PTGER3: variants seen among roughly 807,000 people sequenced by gnomAD.
The protein encoded by PTGER3 is prostaglandin E receptor 3.
A neutral mutation model predicts 34.7 loss-of-function variants in PTGER3; 22 were observed. The ratio of observed to expected loss-of-function variants is 0.63; its 90% confidence interval spans 0.45 to 0.91. The LOEUF is 0.91. Ranked by LOEUF, PTGER3 falls within the 40% of genes least tolerant of loss-of-function variation. The pLI is 0.00. For missense variants in PTGER3, 468 were observed against 519.4 expected (o/e 0.90, Z 0.96); for synonymous variants, 241 against 230.1 (o/e 1.05, Z -0.43).
intron 4 of PTGER3, chr1:70,886,358 C>A: frequency 2.3e-6 from 1 of 442,506 alleles, no homozygotes; most frequent in South Asian, 1.6e-5. Flanking sequence ...GTTGTTTAAG[C>A]CACCTAGTCT....
At chr1:70,855,424 T>C (rs138467170) in intron 4 of PTGER3, among the ~76,000 whole-genome samples, 1 of 152,298 alleles carries the variant, frequency 6.6e-6, no homozygotes, top group African/African-American at 2.4e-5. Flanking sequence ...GTTAACACTA[T>C]TGAACTATAC....
At chr1:70,969,918 T>C (rs755547370), downstream of PTGER3, among the ~76,000 whole-genome samples, 35 of 152,214 alleles carry the variant, frequency 2.3e-4, no homozygotes, top group African/African-American at 8.2e-4. Context: ...ACAATTACCC[T>C]ACAGGTAAGT....
chr1:71,010,332 C>A, intron 2 of PTGER3: 2 of 984,722 alleles, frequency 2.0e-6, no homozygotes, highest in Non-Finnish European at 2.4e-6. Flanking sequence ...ACTTTATCAG[C>A]CTGATGGACT....
At chr1:70,963,252 A>G (rs927449799) in intron 2 of PTGER3, among the ~76,000 whole-genome samples, 1 of 152,060 alleles carries the variant, frequency 6.6e-6, no homozygotes, top group Admixed American at 6.5e-5. Flanking sequence ...TTGAGTATCT[A>G]AGGCTTTTCC....
intron 4 of PTGER3, among the ~76,000 whole-genome samples, chr1:70,860,033 C>T (rs762284550): frequency 6.1e-5 from 9 of 147,842 alleles, no homozygotes; most frequent in South Asian, 2.1e-4. Flanking sequence ...AGTATGGGAC[C>T]GTAATATTAG....
At chr1:70,955,852 C>T (rs1651269010) in intron 2 of PTGER3, among the ~76,000 whole-genome samples, 1 of 152,138 alleles carries the variant, frequency 6.6e-6, no homozygotes, top group African/African-American at 2.4e-5. Context: ...CTAATCCCAT[C>T]ACTATGCACA....
At chr1:70,972,158 TCTA>T (rs1433909484) in intron 3 of PTGER3, among the ~76,000 whole-genome samples, 1 of 152,068 alleles carries the variant, frequency 6.6e-6, no homozygotes, top group Non-Finnish European at 1.5e-5. Flanking sequence ...AAACCCCATC[TCTA>T]CTAATACAAA....
chr1:70,863,301 A>G (rs1208145476), intron 4 of PTGER3, among the ~76,000 whole-genome samples: 1 of 152,070 alleles, frequency 6.6e-6, no homozygotes, highest in Non-Finnish European at 1.5e-5. Context: ...GTGTGATATC[A>G]CCTACAAATC....
chr1:71,032,883 GA>G (rs1014859933), intron 1 of PTGER3, among the ~76,000 whole-genome samples: 2 of 152,140 alleles, frequency 1.3e-5, no homozygotes, highest in African/African-American at 4.8e-5. Flanking sequence ...AACCCGTTTA[GA>G]AAGAACAATG....
intron 2 of PTGER3, among the ~76,000 whole-genome samples, chr1:70,988,442 G>A (rs910756724): frequency 6.6e-6 from 1 of 152,154 alleles, no homozygotes; most frequent in Admixed American, 6.5e-5. Flanking sequence ...CTGTGGCAAC[G>A]TGACCAAATT....
At chr1:70,869,123 C>T (rs547669515) in intron 4 of PTGER3, 20 of 354,450 alleles carry the variant, frequency 5.6e-5, no homozygotes, top group African/African-American at 3.0e-4. Flanking sequence ...TTACTCATAA[C>T]GGAAGGCAAA....
chr1:70,971,229 C>T lies in PTGER3; in HGVS notation c.*501G>A. The T allele has an allele frequency of 6.1e-6, 6 of 985,482 alleles. No homozygotes were observed. The highest frequency in any genetic ancestry group is 7.2e-6 in the Non-Finnish European group (6 of 829,974). 61.0% of individuals were successfully genotyped at this position (985,482 alleles called of 1,614,324 possible). A position where few individuals can be genotyped will look rare whatever the true frequency, so the allele number is the denominator to read the frequency against. On this transcript the variant is annotated 3_prime_UTR_variant, in exon 4 of 4. Transcript: ENST00000306666. ...CACAAATATTTTTTGTCACGATTCC[C>T]TCCTGCCCTCATTTGCTTTTATATG...
At chr1:71,035,319 T>A (rs1158873813) in intron 1 of PTGER3, among the ~76,000 whole-genome samples, 2 of 152,246 alleles carry the variant, frequency 1.3e-5, no homozygotes, top group Non-Finnish European at 2.9e-5. Context: ...CTTCAGTCTC[T>A]ATTTGACTAT....
intron 4 of PTGER3, among the ~76,000 whole-genome samples, chr1:70,925,312 C>T (rs1415599855): frequency 6.6e-6 from 1 of 152,184 alleles, no homozygotes; most frequent in African/African-American, 2.4e-5. Context: ...GCTACGCACT[C>T]ACTCTTAATA....
At chr1:70,932,506 A>G (rs1027735453) in intron 4 of PTGER3, among the ~76,000 whole-genome samples, 1 of 152,168 alleles carries the variant, frequency 6.6e-6, no homozygotes, top group African/African-American at 2.4e-5. Flanking sequence ...ACAGTGCTAC[A>G]TGGCTGAGGA....
Position 70,921,508 on chromosome 1 carries a change from G to A in PTGER3, c.*23+32255C>T, listed in dbSNP as rs1056746791. On this transcript the variant is annotated intron_variant, in intron 4 of 4. Coordinates refer to the PTGER3 transcript ENST00000370931. Reference sequence around the variant, plus strand: ...TCATAGGCTGTAGCAAATCTGCTGTGCTTTGTGGGTCTTTCTGTATTGTTC... The same window carrying A: ...TCATAGGCTGTAGCAAATCTGCTGTACTTTGTGGGTCTTTCTGTATTGTTC... Among the ~76,000 whole-genome samples, 3 of 152,076 alleles carry A rather than the reference G, an allele frequency of 2.0e-5. No homozygotes were observed. The East Asian group carries it at 5.8e-4, about 29-fold the overall frequency.
chr1:71,043,860 G>A (rs1012373230), intron 1 of PTGER3, among the ~76,000 whole-genome samples: 13 of 149,212 alleles, frequency 8.7e-5, no homozygotes, highest in African/African-American at 2.5e-4. Context: ...TCTGTCACCC[G>A]TGCTGGAGTG....
chr1:70,902,538 C>A (rs1236039157), intron 4 of PTGER3, among the ~76,000 whole-genome samples: 1 of 152,194 alleles, frequency 6.6e-6, no homozygotes, highest in Non-Finnish European at 1.5e-5. Flanking sequence ...GTGCTGGAAT[C>A]AAGACAGAAA....
chr1:70,865,923 C>T, intron 4 of PTGER3: 2 of 723,886 alleles, frequency 2.8e-6, no homozygotes, highest in Non-Finnish European at 4.1e-6. Flanking sequence ...CCACACCTTT[C>T]CTGGACTGTC....
Sources: gnomAD v4.1 joint callset for allele counts (sites outside exome capture counted in the v4.1 genomes callset) on GRCh38, gnomAD v4.1.1 for gene constraint, MANE v1.5 for transcripts, NCBI Gene and HGNC (gene_info 2026-07-23, HGNC 2026-07-21) for gene names.